MSLN: variants seen among roughly 807,000 people sequenced by gnomAD.
MSLN encodes the protein CAK1 antigen.
A neutral mutation model predicts 72.6 loss-of-function variants in MSLN; 82 were observed. That is an observed-to-expected ratio of 1.13 (90% CI 0.94 to 1.36). The LOEUF (loss-of-function observed/expected upper bound fraction) is 1.36, where lower values mean the gene tolerates loss of function less well. MSLN is among the 40% of genes most tolerant of loss of function. The pLI is 0.00. For missense variants in MSLN, 1,005 were observed against 847.9 expected (o/e 1.19, Z -2.30); for synonymous variants, 456 against 387.3 (o/e 1.18, Z -2.08).
At position 765,254 on chromosome 16, in the gene MSLN, C is replaced by G. The variant is rs779012651; in HGVS notation, c.655C>G (p.Gln219Glu). ...VSCPGPLDQD[Q>E]QEAARAALQG... Reference sequence around the variant, plus strand: ...CTGCCCGGGACCCCTGGACCAGGACCAGCAGGAGGCAGCCAGGGCGGCTCT... The same window carrying G: ...CTGCCCGGGACCCCTGGACCAGGACGAGCAGGAGGCAGCCAGGGCGGCTCT... The change falls in exon 9 of 18, where the codon CAG (glutamine) becomes GAG (glutamate). Residue 219 changes from glutamine (Q) to glutamate (E), a missense_variant. Transcript: ENST00000545450. 4 of 1,584,284 alleles carry G rather than the reference C, an allele frequency of 2.5e-6. No individual in the cohort carries two copies. The South Asian group carries it at 3.4e-5, about 13-fold the overall frequency.
Position 765,594 on chromosome 16 carries a change from C to T in MSLN, c.772C>T (p.Pro258Ser), listed in dbSNP as rs1433360996. Reference protein sequence around the residue: ...LRGLLPVLGQPIIRSIPQGIV... With the variant: ...LRGLLPVLGQSIIRSIPQGIV... The stretch of plus-strand genomic sequence containing the variant: ...GGGCCTGCTGCCCGTGCTGGGCCAG[C>T]CCATCATCCGCAGCATCCCGCAGGT... Residue 258 changes from proline to serine, a missense_variant, in exon 10 of 18, where the codon CCC (proline) becomes TCC (serine). Pro to Ser is a moderately conservative substitution (Grantham distance 74). Transcript: ENST00000545450. The T allele has an allele frequency of 1.9e-6, 3 of 1,604,912 alleles. No homozygotes were observed.
In MSLN at chr16:763,741, C is replaced by T. The variant is rs373670539; in HGVS notation, c.179+50C>T. 90 of 1,533,964 alleles carry T rather than the reference C, an allele frequency of 5.9e-5. 1 individual carries two copies. The highest frequency in any genetic ancestry group is 8.2e-5 in the South Asian group (7 of 85,038). On this transcript the variant is annotated intron_variant, in intron 5 of 17. Coordinates refer to ENST00000545450, the MANE Select transcript of MSLN (RefSeq NM_005823.6). ...TCAAGGGTGAGGCTCGAGGGGCCCT[C>T]GGGACTGAGGGTGGGCAGGGCACCC...
rs143929261 is a variant in MSLN, at chr16:766,683, G to A, written c.1246G>A (p.Asp416Asn). Residue 416 changes from aspartate (D) to asparagine (N), a missense_variant, in exon 14 of 18, where the codon GAC (aspartate) becomes AAC (asparagine). Coordinates refer to ENST00000545450, the MANE Select transcript of MSLN (RefSeq NM_005823.6). ...CCTCCCACAGGTGGCCACCCTGATC[G>A]ACCGCTTTGTGAAGGGAAGGGGCCA... ...EMSPQVATLIDRFVKGRGQLD... is the reference protein window; with the variant it reads ...EMSPQVATLINRFVKGRGQLD... The A allele has an allele frequency of 2.3e-5, 37 of 1,612,314 alleles. No homozygotes were observed. The highest frequency in any genetic ancestry group is 1.5e-4 in the African/African-American group (11 of 74,860).
rs770818542 is a variant in MSLN at position 767,426 on chromosome 16, A to G, written c.1552A>G (p.Met518Val). 1.1e-5 allele frequency: 17 copies of G among 1,579,876 alleles called. No individual in the cohort carries two copies. Among genetic ancestry groups the G allele is most frequent in the African/African-American group, 8.8e-5 (6 of 67,964 alleles). ...LKALSQQNVS[M>V]DLATFMKLRT... Reference sequence around the variant, plus strand: ...GGCGCTCAGTCAGCAGAATGTGAGCATGGACTTGGCCACGTTCATGAAGCT... The same window carrying G: ...GGCGCTCAGTCAGCAGAATGTGAGCGTGGACTTGGCCACGTTCATGAAGCT... Residue 518 changes from methionine (M) to valine (V), a missense_variant, in exon 16 of 18, where the codon ATG (methionine) becomes GTG (valine). Coordinates refer to ENST00000545450, the MANE Select transcript of MSLN (RefSeq NM_005823.6).
chr16:762,603 C>A, intron 2 of MSLN, 69 bp from the exon 3 acceptor site: 1 of 1,231,488 alleles, frequency 8.1e-7, no homozygotes, highest in Non-Finnish European at 1.2e-6. Flanking sequence ...CATGTGGCCC[C>A]AGGCTGGCCC....
At position 765,056 on chromosome 16, in the gene MSLN, C is replaced by T. The variant is rs372734233; in HGVS notation, c.510+20C>T. The T allele has an allele frequency of 1.8e-5, 29 of 1,609,606 alleles. No individual in the cohort carries two copies. The highest frequency in any genetic ancestry group is 1.6e-4 in the Middle Eastern group (1 of 6,072). Reference sequence around the variant, plus strand: ...TGCTGGGTAGGGGCTGGGGCCAGCGCGGGGCGGAGAGGGCTCGGCAGTTCC... The same window carrying T: ...TGCTGGGTAGGGGCTGGGGCCAGCGTGGGGCGGAGAGGGCTCGGCAGTTCC... On this transcript the variant is annotated intron_variant, in intron 8 of 17. Coordinates refer to ENST00000545450, the MANE Select transcript of MSLN (RefSeq NM_005823.6).
In MSLN at chr16:765,775, C is replaced by A; in HGVS notation, c.880C>A (p.Arg294=). ...ACGGACCATCCTCCGGCCGCGGTTC[C>A]GGCGGGAAGTGGAGAGTGAGTGCCG... ...PERTILRPRF[R]REVEKTACPS... is the part of the protein sequence containing the mutation. The change falls in exon 11 of 18, where the codon CGG becomes AGG. Residue 294 remains arginine, a synonymous_variant. Transcript: ENST00000545450. 1 of 1,599,332 alleles carries A rather than the reference C, an allele frequency of 6.3e-7. No homozygotes were observed. Among genetic ancestry groups the A allele is most frequent in the East Asian group, 2.2e-5 (1 of 44,862 alleles).
chr16:767,099 G>A (rs770736885), intron 15 of MSLN, 87 bp downstream of exon 15: 79 of 1,580,378 alleles, frequency 5.0e-5, no homozygotes, highest in Middle Eastern at 2.2e-4. Flanking sequence ...TTGCCTCGCC[G>A]GGCCGTCTGC....
chr16:762,458 T>A, intron 2 of MSLN: 1 of 552,152 alleles, frequency 1.8e-6, no homozygotes. Flanking sequence ...GACCGGGATC[T>A]CAGACCCAGC....
Position 765,682 on chromosome 16 carries a change from C to A in MSLN, c.796-9C>A, listed in dbSNP as rs374341151. On this transcript the variant is annotated splice_polypyrimidine_tract_variant and intron_variant, in intron 10 of 17. Transcript: ENST00000545450. ...CCCGAGGCTCAGCCCAGGTCCTGCT[C>A]GTCCTCAGGGCATCGTGGCCGCGTG... 3.4e-5 allele frequency: 54 copies of A among 1,600,434 alleles called. No individual in the cohort carries two copies. In the East Asian group the frequency reaches 6.0e-4, roughly 18 times the overall value.
rs1364635190 is a variant in MSLN at position 768,511 on chromosome 16, GGGCTACAGGGCGGCATCCCCAAC to G, written c.1736_1758del (p.Gln579ProfsTer?). 2.5e-6 allele frequency: 4 copies of G among 1,595,826 alleles called. No individual in the cohort carries two copies. Among genetic ancestry groups the G allele is most frequent in the Non-Finnish European group, 3.4e-6 (4 of 1,169,984 alleles). ...GGACGACCTGGACACGCTGGGGCTG[GGGCTACAGGGCGGCATCCCCAAC>G]GGCTACCTGGTCCTAGACCTCAGCA... is the stretch of plus-strand genomic sequence containing the variant. On this transcript the variant is annotated frameshift_variant, in exon 17 of 18. Transcript: ENST00000545450. LOFTEE classifies it high-confidence loss of function.
Position 766,340 on chromosome 16 carries a change from C to G in MSLN, c.1080C>G (p.Tyr360Ter). Reference sequence around the variant, plus strand: ...CCTGGTCTCTTGGCCTGCAGCTCTACCCACAAGGTTACCCCGAGTCTGTGA... The same window carrying G: ...CCTGGTCTCTTGGCCTGCAGCTCTAGCCACAAGGTTACCCCGAGTCTGTGA... Reference protein sequence around the residue: ...DVLKHKLDELYPQGYPESVIQ... With the variant: ...DVLKHKLDEL Residue 360 changes from tyrosine to a stop codon, truncating the protein, a stop_gained, in exon 13 of 18, where the codon TAC (tyrosine) becomes TAG (stop). Transcript: ENST00000545450. LOFTEE classifies it high-confidence loss of function. 1 of 1,612,706 alleles carries G rather than the reference C, an allele frequency of 6.2e-7. No individual in the cohort carries two copies. The highest frequency in any genetic ancestry group is 8.5e-7 in the Non-Finnish European group (1 of 1,179,900).
At chr16:763,547 A>G (rs1476964999) in intron 4 of MSLN, 95 bp from the exon 5 acceptor site, 2 of 1,265,540 alleles carry the variant, frequency 1.6e-6, no homozygotes, top group Non-Finnish European at 2.2e-6. Flanking sequence ...AAGTAGCTGA[A>G]CTCGGGGAGT....
At chr16:763,316 TC>T in intron 4 of MSLN, 40 bp downstream of exon 4, 1 of 1,477,198 alleles carries the variant, frequency 6.8e-7, no homozygotes, top group Non-Finnish European at 9.2e-7. Context: ...GGTCTTCAGG[TC>T]CCAGGTGGGG....
In MSLN at chr16:768,740, C is replaced by G; in HGVS notation, c.*7C>G. ...AGCCTCCACCCTGGCCTGAGGGCCC[C>G]ACTCCCTTGCTGGCCCCAGCCCTGC... On this transcript the variant is annotated 3_prime_UTR_variant, in exon 18 of 18. Coordinates refer to ENST00000545450, the MANE Select transcript of MSLN (RefSeq NM_005823.6). 6.2e-7 allele frequency: 1 copy of G among 1,609,822 alleles called. No homozygotes were observed. Among genetic ancestry groups the G allele is most frequent in the Non-Finnish European group, 8.5e-7 (1 of 1,179,314 alleles).
chr16:762,651 C>T, intron 2 of MSLN, 21 bp from the exon 3 acceptor site: 1 of 1,587,770 alleles, frequency 6.3e-7, no homozygotes. Flanking sequence ...GGGTCCCATC[C>T]TGAGTCACTG....
In MSLN at chr16:768,650, G is replaced by T. The variant is rs779166211; in HGVS notation, c.1786G>T (p.Ala596Ser). 1 of 1,611,022 alleles carries T rather than the reference G, an allele frequency of 6.2e-7. No individual in the cohort carries two copies. The highest frequency in any genetic ancestry group is 8.5e-7 in the Non-Finnish European group (1 of 1,179,462). ...YLVLDLSMQE[A>S]LSGTPCLLGP... is the part of the protein sequence containing the mutation. ...CTGAGTCACCCCTCTCTCTGTAGAG[G>T]CCCTCTCGGGGACGCCCTGCCTCCT... is the stretch of plus-strand genomic sequence containing the variant. Residue 596 changes from alanine to serine, a missense_variant and splice_region_variant, in exon 18 of 18, where the codon GCC becomes TCC. Physicochemically the swap from Ala to Ser is moderately conservative, Grantham distance 99 (BLOSUM62 1). Coordinates refer to ENST00000545450, the MANE Select transcript of MSLN (RefSeq NM_005823.6).
At position 765,145 on chromosome 16, in the gene MSLN, G is replaced by A. The variant is rs759313183; in HGVS notation, c.546G>A (p.Val182=). 88 of 1,603,636 alleles carry A rather than the reference G, an allele frequency of 5.5e-5. No individual in the cohort carries two copies. Among genetic ancestry groups the A allele is most frequent in the Admixed American group, 3.7e-4 (22 of 59,798 alleles). Residue 182 remains valine, a synonymous_variant, in exon 9 of 18, where the codon GTG becomes GTA. Coordinates refer to ENST00000545450, the MANE Select transcript of MSLN (RefSeq NM_005823.6). ...GGTCTCTGCTGAGCGAGGCTGATGT[G>A]CGGGCTCTGGGAGGCCTGGCTTGCG... ...VRGSLLSEAD[V]RALGGLACDL...
In MSLN at chr16:768,562, C is replaced by T. The variant is rs1385873876; in HGVS notation, c.1780C>T (p.Gln594Ter). ...CTACCTGGTCCTAGACCTCAGCATG[C>T]AAGGTGGGCGGGGCGGCCAGGCCAG... ...NGYLVLDLSM[Q>*]EALSGTPCLL... is the part of the protein sequence containing the mutation. Residue 594 changes from glutamine to a stop codon, truncating the protein, a stop_gained, in exon 17 of 18, where the codon CAA becomes TAA. Transcript: ENST00000545450. LOFTEE classifies it low-confidence loss of function (END_TRUNC). 2.5e-6 allele frequency: 4 copies of T among 1,606,880 alleles called. No individual in the cohort carries two copies. The highest frequency in any genetic ancestry group is 1.7e-5 in the Admixed American group (1 of 59,412).
Sources: allele counts gnomAD v4.1 joint callset, GRCh38; gene constraint gnomAD v4.1.1; transcripts MANE v1.5; gene names NCBI Gene and HGNC (gene_info 2026-07-23, HGNC 2026-07-21).